The following ULK3 variants were observed in gnomAD, a reference collection of about 807,000 sequenced individuals.
ULK3 encodes unc-51 like kinase 3.
ULK3 carries 54 observed loss-of-function variants against 69.4 expected under a neutral mutation model. That is an observed-to-expected ratio of 0.78 (90% CI 0.63 to 0.98). ULK3 has a LOEUF of 0.98. Ranked by LOEUF, ULK3 falls within the 50% of genes least tolerant of loss-of-function variation. The pLI is 0.00. For synonymous variants in ULK3, 240 were observed against 254.5 expected (o/e 0.94, Z 0.54); for missense variants, 558 against 627.7 (o/e 0.89, Z 1.19).
At position 74,841,479 on chromosome 15, in the gene ULK3, T is replaced by G. The variant is rs115078393; in HGVS notation, c.395A>C (p.Asn132Thr). ...ASALQFLHER[N>T]ISHLDLKPQN... ...TGGCTTCAGATCCAGGTGAGAGATA[T>G]TCCGTTCATGCAGGAATTGCAGGGC... The change falls in exon 4 of 16, where the codon AAT becomes ACT. Residue 132 changes from asparagine (N) to threonine (T), a missense_variant. Coordinates refer to ENST00000440863, the MANE Select transcript of ULK3 (RefSeq NM_001099436.4). The G allele has an allele frequency of 2.6e-5, 42 of 1,613,874 alleles. No homozygotes were observed. The African/African-American group carries it at 5.1e-4, about 19-fold the overall frequency.
chr15:74,840,246 G>C lies in ULK3; in HGVS notation c.684C>G (p.Asn228Lys). ...FSELEEKIRS[N>K]RVIELPLRPL... ...CTGCTAGACACACCTCGATGACCCGGTTGCTACGGATCTTCTCTTCCAGCT... is the reference window on the plus strand; with the variant it reads ...CTGCTAGACACACCTCGATGACCCGCTTGCTACGGATCTTCTCTTCCAGCT... Residue 228 changes from asparagine (N) to lysine (K), a missense_variant, in exon 6 of 16, where the codon AAC becomes AAG. Asn to Lys is a moderately conservative substitution (Grantham distance 94). Coordinates refer to ENST00000440863, the MANE Select transcript of ULK3 (RefSeq NM_001099436.4). 1 of 1,610,026 alleles carries C rather than the reference G, an allele frequency of 6.2e-7. No homozygotes were observed. The highest frequency in any genetic ancestry group is 8.5e-7 in the Non-Finnish European group (1 of 1,178,328).
Position 74,842,176 on chromosome 15 carries a change from T to G in ULK3, c.263A>C (p.Tyr88Ser), listed in dbSNP as rs1401453917. The G allele has an allele frequency of 1.2e-6, 2 of 1,613,732 alleles. No homozygotes were observed. The highest frequency in any genetic ancestry group is 2.7e-5 in the African/African-American group (2 of 74,876). ...KDFQWDSDNIYLIMEFCAGGD... is the reference protein window; with the variant it reads ...KDFQWDSDNISLIMEFCAGGD... ...CCCTGCGCAAAACTCCATGATGAGG[T>G]AGATATTGTCACTGTCCCACTGTGT... Residue 88 changes from tyrosine to serine, a missense_variant, in exon 3 of 16, where the codon TAC (tyrosine) becomes TCC (serine). Tyr to Ser is a moderately radical substitution (Grantham distance 144). Coordinates refer to ENST00000440863, the MANE Select transcript of ULK3 (RefSeq NM_001099436.4). The surrounding 1 kb of genome is among the most constrained non-coding windows in gnomAD (Gnocchi z 4.9).
chr15:74,841,522 AC>A lies in ULK3; in HGVS notation c.365-14del. 6.2e-7 allele frequency: 1 copy of A among 1,611,672 alleles called. No individual in the cohort carries two copies. The highest frequency in any genetic ancestry group is 1.1e-5 in the South Asian group (1 of 90,972). ...TGCAGGGCGCTAGCTGAGGAGCAGG[AC>A]CCACGAAGAGAGACAGTTCAGAGCC... On this transcript the variant is annotated splice_polypyrimidine_tract_variant and intron_variant, in intron 3 of 15. Transcript: ENST00000440863.
intron 6 of ULK3, 35 bp downstream of exon 6, chr15:74,840,199 C>T (rs774331116): frequency 4.4e-6 from 7 of 1,579,342 alleles, no homozygotes; most frequent in Middle Eastern, 1.7e-4. Flanking sequence ...ACTCCCTCTG[C>T]CCCCCAGTGG....
At chr15:74,839,152 C>CAAAACACAAAA (rs2064147570) in intron 8 of ULK3, 102 bp from the exon 9 acceptor site, 1 of 1,536,000 alleles carries the variant, frequency 6.5e-7, no homozygotes, top group Non-Finnish European at 8.8e-7. Flanking sequence ...GGTTTACGCT[C>CAAAACACAAAA]TGCTTTATCG....
Position 74,836,527 on chromosome 15 carries a change from G to A in ULK3, c.*701C>T. 1 of 152,492 alleles carries A rather than the reference G, an allele frequency of 6.6e-6. No homozygotes were observed. Among genetic ancestry groups the A allele is most frequent in the Non-Finnish European group, 1.5e-5 (1 of 68,150 alleles). The allele number at this position is 152,492 out of a possible 1,614,324, so 9.4% of individuals were successfully genotyped here. ...AAGGCCCGCGCTGTGGCTAGTGTGG[G>A]GCCCAGAGGGAACGGAGGTGGGAGA... On this transcript the variant is annotated 3_prime_UTR_variant, in exon 16 of 16. Transcript: ENST00000440863. The surrounding 1 kb of genome is among the most constrained non-coding windows in gnomAD (Gnocchi z 4.0).
chr15:74,842,731 C>A lies in ULK3; in HGVS notation c.102+273G>T, dbSNP rs539963333. On this transcript the variant is annotated intron_variant, in intron 1 of 15. Coordinates refer to ENST00000440863, the MANE Select transcript of ULK3 (RefSeq NM_001099436.4). The surrounding 1 kb of genome is among the most constrained non-coding windows in gnomAD (Gnocchi z 4.9). ...AGGGTTCTAGAACCGCCCACTCTGC[C>A]TCCCAACTGGCTCCAGTCCCAGACT... The A allele has an allele frequency of 4.6e-6, 7 of 1,519,818 alleles. No individual in the cohort carries two copies. The Admixed American group carries it at 5.9e-5, about 13-fold the overall frequency. 94.1% of individuals were successfully genotyped at this position (1,519,818 alleles called of 1,614,324 possible). A position where few individuals can be genotyped will look rare whatever the true frequency, so the allele number is the denominator to read the frequency against.
In ULK3 at chr15:74,837,066, C is replaced by T. The variant is rs1045084795; in HGVS notation, c.*162G>A. On this transcript the variant is annotated 3_prime_UTR_variant, in exon 16 of 16. Transcript: ENST00000440863. Reference sequence around the variant, plus strand: ...AAACCATCTGTGGGGTGCAGAGTAACCTGAGGGAGGCTGGGGACTCTGGGA... The same window carrying T: ...AAACCATCTGTGGGGTGCAGAGTAATCTGAGGGAGGCTGGGGACTCTGGGA... The T allele has an allele frequency of 2.2e-5, 22 of 991,602 alleles. No homozygotes were observed. The highest frequency in any genetic ancestry group is 6.1e-5 in the Admixed American group (2 of 32,570). 61.4% of individuals were successfully genotyped at this position (991,602 alleles called of 1,614,324 possible).
chr15:74,840,236 C>A lies in ULK3; in HGVS notation c.694G>T (p.Glu232Ter). The change falls in exon 6 of 16, where the codon GAG (glutamate) becomes TAG (stop). Residue 232 changes from glutamate (E) to a stop codon, truncating the protein, a stop_gained and splice_region_variant. Coordinates refer to ENST00000440863, the MANE Select transcript of ULK3 (RefSeq NM_001099436.4). LOFTEE classifies it high-confidence loss of function. ...EEKIRSNRVI[E>*]LPLRPLLSRD... ...CGCTAAGGCCCTGCTAGACACACCT[C>A]GATGACCCGGTTGCTACGGATCTTC... 2 of 1,608,200 alleles carry A rather than the reference C, an allele frequency of 1.2e-6. No homozygotes were observed. The highest frequency in any genetic ancestry group is 1.7e-6 in the Non-Finnish European group (2 of 1,177,556).
At position 74,837,243 on chromosome 15, in the gene ULK3, A is replaced by C. The variant is rs55973697; in HGVS notation, c.1404T>G (p.Ser468=). ...TCTTCTAGGGTCACTGAAGGGTGCA[A>C]GCTACGGGGGTGAGGGGGACAATGG... ...KEGLSESVRS[S]CTLQ Residue 468 remains serine, a splice_region_variant and synonymous_variant, in exon 16 of 16, where the codon TCT becomes TCG. Transcript: ENST00000440863. The C allele has an allele frequency of 0.013, 20,653 of 1,583,116 alleles. 204 individuals carry two copies. Among genetic ancestry groups the C allele is most frequent in the Non-Finnish European group, 0.017 (19,357 of 1,163,058 alleles).
intron 13 of ULK3, 176 bp from the exon 14 acceptor site, chr15:74,837,974 G>T: frequency 8.0e-7 from 1 of 1,245,270 alleles, no homozygotes. Flanking sequence ...ACTTTTTGCT[G>T]CTGGGTTCCC....
In ULK3 at chr15:74,843,058, G is replaced by A. The variant is rs376358823; in HGVS notation, c.48C>T (p.Leu16=). The A allele has an allele frequency of 4.6e-4, 703 of 1,524,658 alleles. 7 individuals are homozygous for A. In the African/African-American group the frequency reaches 8.6e-3, roughly 19 times the overall value. 94.4% of individuals were successfully genotyped at this position (1,524,658 alleles called of 1,614,324 possible). Residue 16 remains leucine, a synonymous_variant, in exon 1 of 16, where the codon CTC becomes CTT. Transcript: ENST00000440863. ...WGPPRLDGFI[L]TERLGSGTYA... ...ACGTGCCGCTGCCCAGGCGCTCGGTGAGGATGAAGCCGTCCAGGCGCGGGG... is the reference window on the plus strand; with the variant it reads ...ACGTGCCGCTGCCCAGGCGCTCGGTAAGGATGAAGCCGTCCAGGCGCGGGG...
Position 74,840,340 on chromosome 15 carries a change from G to A in ULK3, c.614-24C>T, listed in dbSNP as rs369535106. 6.1e-5 allele frequency: 97 copies of A among 1,598,954 alleles called. 1 individual carries two copies. Among genetic ancestry groups the A allele is most frequent in the Non-Finnish European group, 7.7e-5 (90 of 1,173,298 alleles). On this transcript the variant is annotated intron_variant, in intron 5 of 15. Transcript: ENST00000440863. ...TTCTGTGGAAGGGAGGCAGAGCGGA[G>A]GCTGGGAGGGAATGGGTCAAGCCTG...
rs745610262 is a variant in ULK3, at chr15:74,842,095, C to T, written c.344G>A (p.Arg115His). The T allele has an allele frequency of 1.2e-5, 19 of 1,613,758 alleles. No homozygotes were observed. Among genetic ancestry groups the T allele is most frequent in the African/African-American group, 2.7e-5 (2 of 74,916 alleles). The part of the protein sequence containing the change: ...TRRILPEKVA[R>H]VFMQQLASAL... ...TTTACCTAATTGCTGCATGAAGACACGCGCCACCTTCTCAGGCAGAATCCT... is the reference window on the plus strand; with the variant it reads ...TTTACCTAATTGCTGCATGAAGACATGCGCCACCTTCTCAGGCAGAATCCT... Residue 115 changes from arginine to histidine, a missense_variant, in exon 3 of 16, where the codon CGT becomes CAT. Arg to His is a conservative substitution (Grantham distance 29). Coordinates refer to ENST00000440863, the MANE Select transcript of ULK3 (RefSeq NM_001099436.4). This position sits in a 1 kb window ranked among gnomAD's most constrained non-coding sequence, Gnocchi z 4.9.
In ULK3 at chr15:74,838,167, C is replaced by T. The variant is rs1187251745; in HGVS notation, c.1272G>A (p.Glu424=). 1.9e-6 allele frequency: 3 copies of T among 1,559,676 alleles called. No individual in the cohort carries two copies. Among genetic ancestry groups the T allele is most frequent in the African/African-American group, 2.7e-5 (2 of 73,438 alleles). ...CAGTGGGCACCTCAGTGTGAAGCAG[C>T]TCCCGCCTCCGGCCCGGGGGCTCCG... ...LAAEPPGRRR[E]LLHTEVQNLM... The change falls in exon 13 of 16, where the codon GAG becomes GAA. Residue 424 remains glutamate (E), a synonymous_variant. Coordinates refer to ENST00000440863, the MANE Select transcript of ULK3 (RefSeq NM_001099436.4).
At position 74,842,078 on chromosome 15, in the gene ULK3, A is replaced by AT; in HGVS notation, c.360dup (p.Leu121IlefsTer3). 6.2e-7 allele frequency: 1 copy of AT among 1,613,742 alleles called. No homozygotes were observed. Among genetic ancestry groups the AT allele is most frequent in the Non-Finnish European group, 8.5e-7 (1 of 1,179,878 alleles). On this transcript the variant is annotated frameshift_variant, in exon 3 of 16. Coordinates refer to ENST00000440863, the MANE Select transcript of ULK3 (RefSeq NM_001099436.4). LOFTEE classifies it high-confidence loss of function. The surrounding 1 kb of genome is among the most constrained non-coding windows in gnomAD (Gnocchi z 4.9). ...GGCTGGTGTCACAGGCCTTTACCTA[A>AT]TTGCTGCATGAAGACACGCGCCACC...
In ULK3 at chr15:74,839,703, C is replaced by T. The variant is rs1031994903; in HGVS notation, c.707G>A (p.Arg236Gln). ...CCGGCAGTCTCGGGAGAGCAGGGGC[C>T]GCAAGGGGAGCTGCAGGGAAGGGAA... ...RSNRVIELPLRPLLSRDCRDL... is the reference protein window; with the variant it reads ...RSNRVIELPLQPLLSRDCRDL... Residue 236 changes from arginine to glutamine, a missense_variant, in exon 7 of 16, where the codon CGG (arginine) becomes CAG (glutamine). By Grantham distance (43) the Arg-to-Gln change is conservative. Coordinates refer to ENST00000440863, the MANE Select transcript of ULK3 (RefSeq NM_001099436.4). 30 of 1,546,616 alleles carry T rather than the reference C, an allele frequency of 1.9e-5. No individual in the cohort carries two copies. Among genetic ancestry groups the T allele is most frequent in the African/African-American group, 5.4e-5 (4 of 73,430 alleles).
At chr15:74,840,757 T>G in intron 4 of ULK3, 116 bp from the exon 5 acceptor site, 1 of 1,353,488 alleles carries the variant, frequency 7.4e-7, no homozygotes, top group Non-Finnish European at 9.9e-7. Flanking sequence ...TCAACCCTAT[T>G]TCCAAGCCTC....
At position 74,839,265 on chromosome 15, in the gene ULK3, C is replaced by T. The variant is rs2064152187; in HGVS notation, c.958+3G>A. ...CGGGCTTCAGGCATGGCCTGGGACT[C>T]ACAGTGCAGGGCAGGTACAAAGAAG... On this transcript the variant is annotated splice_donor_region_variant and intron_variant, in intron 8 of 15. Transcript: ENST00000440863. The T allele has an allele frequency of 1.3e-6, 2 of 1,555,160 alleles. No individual in the cohort carries two copies. Among genetic ancestry groups the T allele is most frequent in the African/African-American group, 1.4e-5 (1 of 73,226 alleles).
Sources: allele counts gnomAD v4.1 joint callset, GRCh38; gene constraint gnomAD v4.1.1; non-coding constraint Gnocchi (gnomAD v3.1); transcripts MANE v1.5; gene names NCBI Gene and HGNC (gene_info 2026-07-23, HGNC 2026-07-21).